The following DUSP15 variants were observed in gnomAD, a reference collection of about 807,000 sequenced individuals.
DUSP15 encodes the protein dual specificity protein phosphatase 15.
DUSP15 carries 23 observed loss-of-function variants against 26.3 expected under a neutral mutation model. The ratio of observed to expected loss-of-function variants is 0.87; its 90% CI spans 0.63 to 1.24. The LOEUF (loss-of-function observed/expected upper bound fraction) is 1.24. Among genes scored for constraint, DUSP15 ranks in the 50% most tolerant of loss-of-function variants. The pLI, the probability that DUSP15 is intolerant of heterozygous loss-of-function variation, is 0.00. For missense variants in DUSP15, 364 were observed against 320.6 expected (o/e 1.14, Z -1.03); for synonymous variants, 143 against 135.5 (o/e 1.06, Z -0.39).
rs2062797175 is a variant in DUSP15, at chr20:31,867,631, G to GTTTTGTTTTTTTTTT, written c.56-479_56-478insAAAAAAAAAACAAAA. Reference sequence around the variant, plus strand: ...GCTGATGTGCAATGATGCCCACAATGTTTTTTTTTTTTTTTTTTTTTTTTT... The same window carrying GTTTTGTTTTTTTTTT: ...GCTGATGTGCAATGATGCCCACAATGTTTTGTTTTTTTTTTTTTTTTTTTTTTTTTTTTTTTTTTT... On this transcript the variant is annotated intron_variant, in intron 2 of 6. Transcript: ENST00000339738. Among the ~76,000 whole-genome samples, 41 of 77,652 alleles carry GTTTTGTTTTTTTTTT rather than the reference G, an allele frequency of 5.3e-4. 2 individuals are homozygous for GTTTTGTTTTTTTTTT. The highest frequency in any genetic ancestry group is 2.1e-3 in the African/African-American group (38 of 18,332). The allele number at this position is 77,652 out of a possible 152,430, so 50.9% of individuals were successfully genotyped here. A position where few individuals can be genotyped will look rare whatever the true frequency, so the allele number is the denominator to read the frequency against.
chr20:31,855,132 T>C (rs1310536460), intron 6 of DUSP15, among the ~76,000 whole-genome samples: 7 of 152,004 alleles, frequency 4.6e-5, no homozygotes, highest in Non-Finnish European at 1.0e-4. Context: ...CCATTTTCAA[T>C]CACCAACAAA....
chr20:31,861,397 G>A lies in DUSP15; in HGVS notation c.*6C>T. ...GGAAGTGGGGAGCCACGGCTGGACT[G>A]CATCCTCACTTGCCGCCCTTGCGGG... On this transcript the variant is annotated 3_prime_UTR_variant, in exon 7 of 7. Coordinates refer to ENST00000339738, the MANE Select transcript of DUSP15 (RefSeq NM_080611.5). The A allele has an allele frequency of 1.3e-6, 2 of 1,547,666 alleles. No homozygotes were observed. Among genetic ancestry groups the A allele is most frequent in the African/African-American group, 1.4e-5 (1 of 71,020 alleles).
At chr20:31,864,054 A>G (rs1332969924) in intron 4 of DUSP15, 73 bp from the exon 5 acceptor site, 27 of 1,599,648 alleles carry the variant, frequency 1.7e-5, no homozygotes, top group Non-Finnish European at 2.2e-5. Context: ...CCCCACCCCA[A>G]TTACAGGATA....
downstream of DUSP15, chr20:31,861,073 C>A: frequency 4.4e-6 from 5 of 1,148,686 alleles, no homozygotes; most frequent in Non-Finnish European, 5.3e-6. Flanking sequence ...CTCGGACAGG[C>A]AGCTTCTTCT....
chr20:31,867,174 G>A (rs753172461), intron 2 of DUSP15, 21 bp from the exon 3 acceptor site: 1 of 1,566,486 alleles, frequency 6.4e-7, no homozygotes, highest in Non-Finnish European at 8.7e-7. Context: ...CAGGATGCTT[G>A]AGCCAATCTG....
exon 10 of DUSP15, chr20:31,848,323 G>A: frequency 6.9e-7 from 1 of 1,457,028 alleles, no homozygotes; most frequent in Non-Finnish European, 9.2e-7. Context: ...TGGGTGATGT[G>A]CCGGGGGAGG....
chr20:31,867,197 T>C, intron 2 of DUSP15, 44 bp from the exon 3 acceptor site: 1 of 1,536,888 alleles, frequency 6.5e-7, no homozygotes, highest in Non-Finnish European at 8.8e-7. Context: ...TGGCGGGATG[T>C]CCTGATGGCC....
Position 31,848,805 on chromosome 20 carries a change from C to T in DUSP15, c.726+1G>A, listed in dbSNP as rs766373963. The T allele has an allele frequency of 1.9e-5, 30 of 1,608,830 alleles. No homozygotes were observed. Among genetic ancestry groups the T allele is most frequent in the African/African-American group, 2.7e-5 (2 of 74,738 alleles). On this transcript the variant is annotated splice_donor_variant, in intron 9 of 9. Transcript: ENST00000278979. LOFTEE classifies it high-confidence loss of function. Reference sequence around the variant, plus strand: ...TGGCTGGAGTGGAAGGAGTGACTCACGTCCGCCATGATGAGCTGCTCCTTG... The same window carrying T: ...TGGCTGGAGTGGAAGGAGTGACTCATGTCCGCCATGATGAGCTGCTCCTTG...
chr20:31,866,046 C>G (rs370988379), intron 3 of DUSP15, among the ~76,000 whole-genome samples: 1 of 152,222 alleles, frequency 6.6e-6, no homozygotes, highest in African/African-American at 2.4e-5. Context: ...AATTTCTTCT[C>G]TGAATGACAT....
chr20:31,850,758 A>C, intron 6 of DUSP15: 1 of 1,447,060 alleles, frequency 6.9e-7, no homozygotes, highest in Non-Finnish European at 9.5e-7. Context: ...GGGAGGAGGC[A>C]GGGCTGGGTG....
chr20:31,849,154 C>G (rs2062419304), intron 8 of DUSP15, among the ~76,000 whole-genome samples: 1 of 152,076 alleles, frequency 6.6e-6, no homozygotes, highest in East Asian at 1.9e-4. Flanking sequence ...TATGCCCAAC[C>G]CATGCCCACT....
Position 31,861,173 on chromosome 20 carries a change from G to C in DUSP15, c.*230C>G. On this transcript the variant is annotated 3_prime_UTR_variant, in exon 7 of 7. Transcript: ENST00000339738. Reference sequence around the variant, plus strand: ...CTTTAAGGGTGGGCCCCCTCCCCCAGCCCAAGGACTAAGGCACCAGGTGGC... The same window carrying C: ...CTTTAAGGGTGGGCCCCCTCCCCCACCCCAAGGACTAAGGCACCAGGTGGC... 3.1e-6 allele frequency: 4 copies of C among 1,298,658 alleles called. No individual in the cohort carries two copies. Among genetic ancestry groups the C allele is most frequent in the Non-Finnish European group, 3.9e-6 (4 of 1,027,142 alleles). The allele number at this position is 1,298,658 out of a possible 1,614,324, so 80.4% of individuals were successfully genotyped here.
At chr20:31,864,074 A>G in intron 4 of DUSP15, 93 bp from the exon 5 acceptor site, 1 of 1,581,970 alleles carries the variant, frequency 6.3e-7, no homozygotes, top group Non-Finnish European at 8.6e-7. Flanking sequence ...AGCAAGGGAC[A>G]TAGAGCCCTG....
At position 31,861,603 on chromosome 20, in the gene DUSP15, G is replaced by A. The variant is rs927994419; in HGVS notation, c.508C>T (p.Pro170Ser). The change falls in exon 7 of 7, where the codon CCG becomes TCG. Residue 170 changes from proline to serine, a missense_variant. Coordinates refer to ENST00000339738, the MANE Select transcript of DUSP15 (RefSeq NM_080611.5). ...RDEEELRALL[P>S]LCKRCRQGSA... ...CCCTGCCGGCAGCGCTTGCACAGCG[G>A]CAGCAGCGCGCGCAACTCCTCCTCG... The A allele has an allele frequency of 2.7e-6, 4 of 1,491,348 alleles. No homozygotes were observed. The highest frequency in any genetic ancestry group is 2.5e-5 in the South Asian group (2 of 79,676). The allele number at this position is 1,491,348 out of a possible 1,614,324, so 92.4% of individuals were successfully genotyped here. A position where few individuals can be genotyped will look rare whatever the true frequency, so the allele number is the denominator to read the frequency against.
At chr20:31,855,467 G>A (rs2062545282) in intron 6 of DUSP15, among the ~76,000 whole-genome samples, 1 of 152,140 alleles carries the variant, frequency 6.6e-6, no homozygotes. Flanking sequence ...GAAGAGATAA[G>A]CTGAAGCTAG....
downstream of DUSP15, among the ~76,000 whole-genome samples, chr20:31,846,475 A>AGAGAGAGAGAGAGAGAGAGAGG (rs71274237): frequency 1.8e-4 from 14 of 79,678 alleles, no homozygotes; most frequent in African/African-American, 8.1e-4. Context: ...AGAGAGAGAG[A>AGAGAGAGAGAGAGAGAGAGAGG]GGAGAGAGAG....
chr20:31,861,373 G>T lies in DUSP15; in HGVS notation c.*30C>A. 1.3e-6 allele frequency: 2 copies of T among 1,511,946 alleles called. No individual in the cohort carries two copies. The highest frequency in any genetic ancestry group is 2.5e-5 in the South Asian group (2 of 79,654). The allele number at this position is 1,511,946 out of a possible 1,614,324, so 93.7% of individuals were successfully genotyped here. On this transcript the variant is annotated 3_prime_UTR_variant, in exon 7 of 7. Transcript: ENST00000339738. ...GACAGCCCCCGAAGGGAGCCAGTCGGAAGTGGGGAGCCACGGCTGGACTGC... is the reference window on the plus strand; with the variant it reads ...GACAGCCCCCGAAGGGAGCCAGTCGTAAGTGGGGAGCCACGGCTGGACTGC...
rs958524920 is a variant in DUSP15 at position 31,870,439 on chromosome 20, C to G, written c.-102G>C. On this transcript the variant is annotated 5_prime_UTR_variant, in exon 1 of 7. Coordinates refer to ENST00000339738, the MANE Select transcript of DUSP15 (RefSeq NM_080611.5). The surrounding 1 kb of genome is among the most constrained non-coding windows in gnomAD (Gnocchi z 6.6). The stretch of plus-strand genomic sequence containing the variant: ...CCCAGGCCCGACGCCTGCAGCCTGG[C>G]GGGGAACGGGGGGCCTGGCGTCCGC... 27 of 1,287,934 alleles carry G rather than the reference C, an allele frequency of 2.1e-5. No homozygotes were observed. In the East Asian group the frequency reaches 8.3e-4, roughly 40 times the overall value. The allele number at this position is 1,287,934 out of a possible 1,614,324, so 79.8% of individuals were successfully genotyped here.
At chr20:31,860,466 G>A (rs1344832150), downstream of DUSP15, among the ~76,000 whole-genome samples, 2 of 152,250 alleles carry the variant, frequency 1.3e-5, no homozygotes, top group Admixed American at 6.5e-5. Flanking sequence ...GTCTTGGCAG[G>A]AAGGGTCATT....
Sources: gnomAD v4.1 joint callset for allele counts (sites outside exome capture counted in the v4.1 genomes callset) on GRCh38, gnomAD v4.1.1 for gene constraint, Gnocchi (gnomAD v3.1) non-coding constraint, MANE v1.5 for transcripts, NCBI Gene and HGNC (gene_info 2026-07-23, HGNC 2026-07-21) for gene names.